ZMYM2: variants seen among roughly 807,000 people sequenced by gnomAD.
ZMYM2 encodes zinc finger MYM-type protein 2.
A neutral mutation model predicts 162.8 loss-of-function variants in ZMYM2; 56 were observed. The observed-to-expected ratio is 0.34, with a 90% confidence interval of 0.28 to 0.43. The LOEUF is 0.43. ZMYM2 is among the 20% of genes least tolerant of loss of function. ZMYM2 has a pLI of 1.00. For synonymous variants in ZMYM2, 510 were observed against 541.6 expected (o/e 0.94, Z 0.81); for missense variants, 1,275 against 1,621.8 (o/e 0.79, Z 3.67).
chr13:20,037,907 A>G (rs920754239), intron 12 of ZMYM2, among the ~76,000 whole-genome samples: 7 of 152,182 alleles, frequency 4.6e-5, no homozygotes, highest in African/African-American at 1.7e-4. Flanking sequence ...TATTAAGCCT[A>G]GTACCCATTA....
chr13:19,896,207 G>A, the ZMYM2 span, among the ~76,000 whole-genome samples: 15 of 151,418 alleles, frequency 9.9e-5, no homozygotes, highest in Admixed American at 7.9e-4. Context: ...GCAGTGGCAC[G>A]ATCTTGGCTC....
the ZMYM2 span, chr13:19,865,059 C>T: frequency 6.6e-6 from 1 of 152,318 alleles, no homozygotes; most frequent in East Asian, 1.9e-4. Context: ...CACATTGAGC[C>T]CCGTTTTACT....
chr13:20,005,377 T>C, intron 5 of ZMYM2, 138 bp downstream of exon 5: 1 of 594,584 alleles, frequency 1.7e-6, no homozygotes, highest in Non-Finnish European at 2.8e-6. Flanking sequence ...TATCCTATTA[T>C]GTAATCTGAT....
At chr13:19,987,342 C>G (rs1949241498) in intron 2 of ZMYM2, among the ~76,000 whole-genome samples, 2 of 151,822 alleles carry the variant, frequency 1.3e-5, no homozygotes, top group Non-Finnish European at 2.9e-5. Context: ...CGGCTCACGG[C>G]AGAATCCACC....
At chr13:20,007,350 T>C (rs1407599941) in intron 6 of ZMYM2, among the ~76,000 whole-genome samples, 1 of 152,100 alleles carries the variant, frequency 6.6e-6, no homozygotes, top group South Asian at 2.1e-4. Flanking sequence ...TTAGCCAGGC[T>C]GGTCTCGAAC....
At chr13:19,885,862 A>AAAT in the ZMYM2 span, among the ~76,000 whole-genome samples, 1 of 52,696 alleles carries the variant, frequency 1.9e-5, no homozygotes, top group African/African-American at 6.3e-5. Flanking sequence ...AAAAAAAAAA[A>AAAT]ATATATATAT....
the ZMYM2 span, among the ~76,000 whole-genome samples, chr13:19,884,171 C>G: frequency 7.2e-5 from 11 of 152,108 alleles, no homozygotes; most frequent in Non-Finnish European, 1.5e-4. Flanking sequence ...AGTTTTACAA[C>G]AGCCAGGAAA....
At chr13:19,935,828 A>G in the ZMYM2 span, among the ~76,000 whole-genome samples, 1 of 152,180 alleles carries the variant, frequency 6.6e-6, no homozygotes, top group Non-Finnish European at 1.5e-5. Context: ...AGTCTCAATT[A>G]TCTGTTCTAG....
the ZMYM2 span, among the ~76,000 whole-genome samples, chr13:19,866,234 AC>A: frequency 8.0e-6 from 1 of 124,306 alleles, no homozygotes; most frequent in East Asian, 3.0e-4. Context: ...AAAAAGAAAA[AC>A]AAAAAACAAG....
intron 3 of ZMYM2, among the ~76,000 whole-genome samples, chr13:19,996,834 C>T (rs1036949066): frequency 6.6e-5 from 10 of 152,172 alleles, no homozygotes; most frequent in Admixed American, 5.9e-4. Flanking sequence ...CTGCAGTGAG[C>T]TATGATTGTG....
At chr13:19,945,840 T>C in the ZMYM2 span, among the ~76,000 whole-genome samples, 15 of 151,232 alleles carry the variant, frequency 9.9e-5, no homozygotes, top group Non-Finnish European at 1.8e-4. Context: ...TCTCAGCTAC[T>C]TGGGAGGCCG....
rs1956191411 is a variant in ZMYM2 at position 20,061,077 on chromosome 13, G to C, written c.2764G>C (p.Ala922Pro). ...VPVPVPVFLP[A>P]PLDSSEKIPA... ...GGTGCCAGTTCCTGTTTTTCTGCCT[G>C]CTCCATTGGACAGCAGTGAGAAGAT... Residue 922 changes from alanine (A) to proline (P), a missense_variant, in exon 17 of 25, where the codon GCT becomes CCT. Coordinates refer to ENST00000610343, the MANE Select transcript of ZMYM2 (RefSeq NM_197968.4). 1.9e-6 allele frequency: 3 copies of C among 1,611,776 alleles called. No homozygotes were observed. The highest frequency in any genetic ancestry group is 2.5e-6 in the Non-Finnish European group (3 of 1,178,844).
At chr13:20,070,632 T>TC (rs1409827802) in intron 21 of ZMYM2, 2 of 152,352 alleles carry the variant, frequency 1.3e-5, no homozygotes, top group African/African-American at 4.8e-5. Context: ...TCTGCCTCAG[T>TC]CCCAAGTAGC....
chr13:20,034,471 T>C (rs1251570793), intron 11 of ZMYM2, 67 bp downstream of exon 11: 5 of 1,341,016 alleles, frequency 3.7e-6, no homozygotes, highest in Non-Finnish European at 4.8e-6. Flanking sequence ...CAAAATAATA[T>C]ATCCAGAGTG....
At chr13:19,996,785 C>G (rs1254081425) in intron 3 of ZMYM2, among the ~76,000 whole-genome samples, 2 of 152,142 alleles carry the variant, frequency 1.3e-5, no homozygotes, top group Non-Finnish European at 2.9e-5. Flanking sequence ...ACTTGGGAGG[C>G]TGAAGCTGGA....
the ZMYM2 span, among the ~76,000 whole-genome samples, chr13:19,900,456 T>C: frequency 6.6e-6 from 1 of 152,120 alleles, no homozygotes; most frequent in African/African-American, 2.4e-5. Context: ...AATTTAAAAC[T>C]TCAAAAAGCC....
At chr13:19,934,435 A>G in the ZMYM2 span, among the ~76,000 whole-genome samples, 1 of 151,892 alleles carries the variant, frequency 6.6e-6, no homozygotes, top group Non-Finnish European at 1.5e-5. Context: ...TGGGATTGCA[A>G]GCATGAGCCA....
chr13:20,067,780 A>G, intron 21 of ZMYM2, among the ~76,000 whole-genome samples: 1 of 152,222 alleles, frequency 6.6e-6, no homozygotes, highest in Non-Finnish European at 1.5e-5. Flanking sequence ...CTTTAGGGGT[A>G]AAGATAAACT....
At chr13:20,082,262 C>A in intron 22 of ZMYM2, 132 bp downstream of exon 22, 1 of 686,904 alleles carries the variant, frequency 1.5e-6, no homozygotes, top group Non-Finnish European at 2.4e-6. Flanking sequence ...TCGAGCTCAT[C>A]TGCCTTTCAT....
Sources: gnomAD v4.1 joint callset for allele counts (sites outside exome capture counted in the v4.1 genomes callset) on GRCh38, gnomAD v4.1.1 for gene constraint, MANE v1.5 for transcripts, NCBI Gene and HGNC (gene_info 2026-07-23, HGNC 2026-07-21) for gene names.